Variants in LARGE1 observed in about 807,000 individuals in gnomAD.
The protein encoded by LARGE1 is LARGE xylosyl- and glucuronyltransferase 1.
LARGE1 carries 43 observed loss-of-function variants against 87.6 expected under a neutral mutation model. That is an observed-to-expected ratio of 0.49 (90% confidence interval 0.38 to 0.63). The LOEUF (loss-of-function observed/expected upper bound fraction) is 0.63. Ranked by LOEUF, LARGE1 falls within the 30% of genes least tolerant of loss-of-function variation. LARGE1 has a pLI of 0.00. For missense variants in LARGE1, 802 were observed against 1,000.2 expected (o/e 0.80, Z 2.67); for synonymous variants, 434 against 394.6 (o/e 1.10, Z -1.18).
Position 33,885,683 on chromosome 22 carries a change from A to G in LARGE1, c.-83+34312T>C, listed in dbSNP as rs1002501413. ...CTACCCTCCGGGAGATGAACCACCC[A>G]ACCTACAACTTCCTGTTCACCTTCC... On this transcript the variant is annotated intron_variant, in intron 1 of 14. Coordinates refer to ENST00000397394, the MANE Select transcript of LARGE1 (RefSeq NM_133642.5). Among the ~76,000 whole-genome samples, 6 of 152,126 alleles carry G rather than the reference A, an allele frequency of 3.9e-5. No individual in the cohort carries two copies. The East Asian group carries it at 9.6e-4, about 24-fold the overall frequency.
chr22:33,654,409 T>A, intron 2 of LARGE1, among the ~76,000 whole-genome samples: 1 of 152,220 alleles, frequency 6.6e-6, no homozygotes, highest in East Asian at 1.9e-4. Context: ...CCCTCTCAGC[T>A]CTAACTCTCC....
At chr22:33,853,604 C>A (rs1031849738) in intron 1 of LARGE1, among the ~76,000 whole-genome samples, 3 of 152,194 alleles carry the variant, frequency 2.0e-5, no homozygotes, top group Admixed American at 1.3e-4. Context: ...GCCTACATAA[C>A]CCTTAATAAT....
At chr22:33,831,857 C>A (rs2062981829) in intron 1 of LARGE1, among the ~76,000 whole-genome samples, 1 of 152,136 alleles carries the variant, frequency 6.6e-6, no homozygotes, top group Admixed American at 6.5e-5. Flanking sequence ...AAAGCCCCTC[C>A]CAGCCTGGCC....
At chr22:33,160,533 A>T (rs548255557), downstream of LARGE1, among the ~76,000 whole-genome samples, 2 of 152,354 alleles carry the variant, frequency 1.3e-5, no homozygotes, top group South Asian at 4.1e-4. Flanking sequence ...GGGATTAGAG[A>T]CATGAAGCAG....
At chr22:33,600,421 CA>C (rs1176264461) in intron 5 of LARGE1, among the ~76,000 whole-genome samples, 1 of 152,122 alleles carries the variant, frequency 6.6e-6, no homozygotes, top group East Asian at 1.9e-4. Context: ...GCTCATCACA[CA>C]AAAGCATGAA....
At chr22:33,339,256 G>A (rs1259761258) in intron 9 of LARGE1, among the ~76,000 whole-genome samples, 2 of 151,352 alleles carry the variant, frequency 1.3e-5, no homozygotes, top group East Asian at 1.9e-4. Flanking sequence ...AGGGAGACAG[G>A]GCCTGGGACA....
In LARGE1 at chr22:33,261,098, G is replaced by A. The variant is rs7290333; in HGVS notation, c.1730+43131C>T. 8.9e-3 allele frequency among the ~76,000 whole-genome samples: 1,350 copies of A among 152,300 alleles called. 26 individuals are homozygous for A. The highest frequency in any genetic ancestry group is 0.031 in the African/African-American group (1,283 of 41,568). ...TTCAGTCAACACTCATTCAGCATGC[G>A]TGTACCAGCACCCCTTCGTGCTCGC... On this transcript the variant is annotated intron_variant, in intron 11 of 11. Transcript: ENST00000608642.
intron 1 of LARGE1, among the ~76,000 whole-genome samples, chr22:33,882,029 GTTTTTGTTTT>G (rs1272665586): frequency 1.5e-4 from 20 of 137,292 alleles, no homozygotes; most frequent in Non-Finnish European, 2.8e-4. Flanking sequence ...GGGTTTTTTT[GTTTTTGTTTT>G]TTTTTGTTTT....
chr22:33,259,319 AACACAC>A (rs3071499), intron 11 of LARGE1, among the ~76,000 whole-genome samples: 35,346 of 144,970 alleles, frequency 0.24, 4,554 homozygotes, highest in Non-Finnish European at 0.3. Flanking sequence ...TCCAAAGGGC[AACACAC>A]ACACACACAC....
intron 6 of LARGE1, among the ~76,000 whole-genome samples, chr22:33,544,306 G>A (rs1295286889): frequency 6.6e-6 from 1 of 152,156 alleles, no homozygotes; most frequent in Non-Finnish European, 1.5e-5. Flanking sequence ...GTGAATTTAG[G>A]GGTGGTCTTG....
At chr22:33,365,122 G>A (rs550931289) in intron 9 of LARGE1, among the ~76,000 whole-genome samples, 3 of 152,150 alleles carry the variant, frequency 2.0e-5, no homozygotes, top group South Asian at 2.1e-4. Flanking sequence ...GTCAAGAAAT[G>A]TCATTCATCA....
At chr22:33,892,947 C>T (rs569241229) in intron 1 of LARGE1, among the ~76,000 whole-genome samples, 24 of 152,314 alleles carry the variant, frequency 1.6e-4, no homozygotes, top group Middle Eastern at 6.8e-3. Context: ...GCTTTGCAAA[C>T]GTGGAGTGAG....
chr22:33,242,614 T>G (rs188752331), intron 11 of LARGE1, among the ~76,000 whole-genome samples: 148 of 152,316 alleles, frequency 9.7e-4, no homozygotes, highest in Non-Finnish European at 5.0e-4. Flanking sequence ...CAATTTTTAT[T>G]TATGTTTTTC....
intron 11 of LARGE1, among the ~76,000 whole-genome samples, chr22:33,227,629 G>T (rs1272406538): frequency 6.6e-6 from 1 of 152,114 alleles, no homozygotes; most frequent in Non-Finnish European, 1.5e-5. Flanking sequence ...GTATCTACAG[G>T]ATGCTACCAA....
chr22:33,544,911 C>T (rs1417557092), intron 6 of LARGE1, among the ~76,000 whole-genome samples: 1 of 152,130 alleles, frequency 6.6e-6, no homozygotes, highest in East Asian at 1.9e-4. Context: ...CTCAAACACA[C>T]TAAAAACCAA....
rs569690437 is a variant in LARGE1, at chr22:33,310,557, G to A, written c.1451+5528C>T. Among the ~76,000 whole-genome samples the A allele has an allele frequency of 4.6e-5, 7 of 152,204 alleles. No individual in the cohort carries two copies. In the South Asian group the frequency reaches 1.5e-3, roughly 32 times the overall value. ...CAGAGGGAGCTGCGTACGGGAGTGC[G>A]AAGGCCGGCTCTCCTAATTCGTTGT... is the stretch of plus-strand genomic sequence containing the variant. On this transcript the variant is annotated intron_variant, in intron 11 of 14. Transcript: ENST00000397394.
At chr22:33,483,709 T>C (rs1483732422) in intron 6 of LARGE1, among the ~76,000 whole-genome samples, 7 of 152,168 alleles carry the variant, frequency 4.6e-5, no homozygotes. Context: ...TCCTGCCTCG[T>C]TAAAGGACGA....
intron 9 of LARGE1, among the ~76,000 whole-genome samples, chr22:33,379,348 T>C (rs1299854383): frequency 1.3e-5 from 2 of 152,036 alleles, no homozygotes; most frequent in East Asian, 3.9e-4. Flanking sequence ...TGTGCCATGT[T>C]GGTGTGCTGC....
At chr22:33,097,345 C>A in the LARGE1 span, among the ~76,000 whole-genome samples, 1 of 152,226 alleles carries the variant, frequency 6.6e-6, no homozygotes. Context: ...AATTATCAGA[C>A]ATCCTGTCTA....
Sources: gnomAD v4.1 joint callset for allele counts (sites outside exome capture counted in the v4.1 genomes callset) on GRCh38, gnomAD v4.1.1 for gene constraint, MANE v1.5 for transcripts, NCBI Gene and HGNC (gene_info 2026-07-23, HGNC 2026-07-21) for gene names.